The following EPB41L4A variants were observed in gnomAD, a reference collection of about 807,000 sequenced individuals.
EPB41L4A encodes erythrocyte membrane protein band 4.1 like 4A, also known as band 4.1-like protein 4A.
EPB41L4A carries 100 observed loss-of-function variants against 108.6 expected under a neutral mutation model. The ratio of observed to expected loss-of-function variants is 0.92; its 90% CI spans 0.78 to 1.09. The LOEUF is 1.09. Ranked by LOEUF, EPB41L4A falls within the 50% of genes least tolerant of loss-of-function variation. EPB41L4A has a pLI of 0.00. For synonymous variants in EPB41L4A, 319 were observed against 289.0 expected, an observed-to-expected ratio of 1.10 and a Z score of -1.05; for missense variants, 1,030 against 842.7, an observed-to-expected ratio of 1.22 and a Z score of -2.75.
intron 12 of EPB41L4A, among the ~76,000 whole-genome samples, chr5:112,155,135 C>T (rs1167356456): frequency 6.6e-6 from 1 of 152,004 alleles, no homozygotes; most frequent in African/African-American, 2.4e-5. Flanking sequence ...AGAATGCTGA[C>T]ATTACACAAA....
chr5:112,361,798 G>A (rs1001432091), intron 1 of EPB41L4A, among the ~76,000 whole-genome samples: 3 of 151,970 alleles, frequency 2.0e-5, no homozygotes, highest in African/African-American at 7.2e-5. Flanking sequence ...GAGGCAGGAG[G>A]ATCAACTGAG....
chr5:112,248,915 T>C (rs1165320676), intron 9 of EPB41L4A, among the ~76,000 whole-genome samples: 2 of 152,138 alleles, frequency 1.3e-5, no homozygotes, highest in Admixed American at 6.6e-5. Context: ...CTCCCTGTTT[T>C]TGTTTTGGGA....
intron 12 of EPB41L4A, chr5:112,228,410 A>ACAAC (rs1449589607): frequency 5.3e-5 from 8 of 152,256 alleles, no homozygotes; most frequent in Admixed American, 5.2e-4. Context: ...AATCATTTTC[A>ACAAC]CAACCCCTTA....
intron 12 of EPB41L4A, among the ~76,000 whole-genome samples, chr5:112,223,980 C>T (rs1748266979): frequency 6.6e-6 from 1 of 152,184 alleles, no homozygotes; most frequent in Non-Finnish European, 1.5e-5. Context: ...GAGACGGAGT[C>T]TTACTCTGTC....
intron 15 of EPB41L4A, among the ~76,000 whole-genome samples, chr5:112,202,433 T>G (rs1198338764): frequency 6.6e-6 from 1 of 152,182 alleles, no homozygotes; most frequent in African/African-American, 2.4e-5. Flanking sequence ...CTTATACCTT[T>G]GCACCAATTC....
chr5:112,158,898 C>G (rs1348672285), downstream of EPB41L4A, among the ~76,000 whole-genome samples: 4 of 152,210 alleles, frequency 2.6e-5, no homozygotes, highest in Admixed American at 2.0e-4. Context: ...CTGACTTTCC[C>G]TAGCAAGAAG....
At chr5:112,292,395 C>T (rs571490519) in intron 2 of EPB41L4A, among the ~76,000 whole-genome samples, 11 of 152,264 alleles carry the variant, frequency 7.2e-5, no homozygotes, top group African/African-American at 1.2e-4. Flanking sequence ...AAAGAATAAA[C>T]TAAGCTCCTA....
chr5:112,147,304 T>C (rs1466070261), intron 12 of EPB41L4A, among the ~76,000 whole-genome samples: 2 of 152,220 alleles, frequency 1.3e-5, no homozygotes, highest in African/African-American at 2.4e-5. Context: ...CCACACCTTA[T>C]TTAATCACAT....
chr5:112,299,338 T>C (rs191524001), intron 2 of EPB41L4A, among the ~76,000 whole-genome samples: 1 of 152,328 alleles, frequency 6.6e-6, no homozygotes, highest in East Asian at 1.9e-4. Context: ...GTTTTGATAG[T>C]TGTGTCACTA....
At position 112,354,508 on chromosome 5, in the gene EPB41L4A, A is replaced by C. The variant is rs543082720; in HGVS notation, c.100-47018T>G. On this transcript the variant is annotated intron_variant, in intron 1 of 22. Transcript: ENST00000261486. ...GAGGGAAGCTCTGTGGTAAGGAGAA[A>C]GTCAAAATTTAGTTAGATAAGGAAG... Among the ~76,000 whole-genome samples, 23 of 152,322 alleles carry C rather than the reference A, an allele frequency of 1.5e-4. 1 individual carries two copies. In the South Asian group the frequency reaches 4.8e-3, roughly 32 times the overall value.
At chr5:112,208,446 G>A (rs1762575648) in intron 13 of EPB41L4A, among the ~76,000 whole-genome samples, 1 of 151,996 alleles carries the variant, frequency 6.6e-6, no homozygotes, top group Admixed American at 6.6e-5. Flanking sequence ...CGCAACTGGA[G>A]GCTATTATCC....
intron 18 of EPB41L4A, among the ~76,000 whole-genome samples, chr5:112,176,743 CTTTTTTTTTTTTTTTT>C (rs59150913): frequency 4.6e-5 from 3 of 65,848 alleles, no homozygotes; most frequent in African/African-American, 1.9e-4. Context: ...ACCAGAGCAA[CTTTTTTTTTTTTTTTT>C]TTTTTTTTTT....
At chr5:112,324,831 T>C (rs760634005) in intron 1 of EPB41L4A, among the ~76,000 whole-genome samples, 1 of 149,054 alleles carries the variant, frequency 6.7e-6, no homozygotes, top group Non-Finnish European at 1.5e-5. Flanking sequence ...AAAGAGTAAA[T>C]AATAATAAAG....
Position 112,360,588 on chromosome 5 carries a change from A to G in EPB41L4A, c.100-53098T>C, listed in dbSNP as rs919031714. ...GCTCACTCAGTGCTCAATGTTGCCC[A>G]GGCTGGAGTGCAGTGGCGTGATCTC... On this transcript the variant is annotated intron_variant, in intron 1 of 22. Coordinates refer to ENST00000261486, the MANE Select transcript of EPB41L4A (RefSeq NM_022140.5). 1.6e-4 allele frequency among the ~76,000 whole-genome samples: 24 copies of G among 152,308 alleles called. No individual in the cohort carries two copies. In the East Asian group the frequency reaches 4.6e-3, roughly 29 times the overall value.
chr5:112,340,496 C>G (rs1757242811), intron 1 of EPB41L4A, among the ~76,000 whole-genome samples: 1 of 152,166 alleles, frequency 6.6e-6, no homozygotes, highest in African/African-American at 2.4e-5. Flanking sequence ...ATCTGCCTCT[C>G]TGGCCAACAG....
intron 1 of EPB41L4A, among the ~76,000 whole-genome samples, chr5:112,383,468 T>C (rs992417352): frequency 4.6e-5 from 7 of 152,186 alleles, no homozygotes; most frequent in African/African-American, 1.4e-4. Flanking sequence ...AGGCAGAGCA[T>C]GTTGTTGGAT....
chr5:112,168,091 T>G (rs894864736), intron 22 of EPB41L4A, among the ~76,000 whole-genome samples: 1 of 152,196 alleles, frequency 6.6e-6, no homozygotes, highest in Non-Finnish European at 1.5e-5. Context: ...CAGATATAAA[T>G]CCATCTAACT....
At position 112,265,025 on chromosome 5, in the gene EPB41L4A, G is replaced by T; in HGVS notation, c.434-9C>A. ...ATAATCTCCAAGCTCCGCTAAAAAA[G>T]AAAGATAACATAGTTTTTTCCATTT... On this transcript the variant is annotated splice_polypyrimidine_tract_variant and intron_variant, in intron 5 of 22. Transcript: ENST00000261486. The T allele has an allele frequency of 6.5e-7, 1 of 1,548,162 alleles. No individual in the cohort carries two copies. The highest frequency in any genetic ancestry group is 1.3e-5 in the South Asian group (1 of 77,864).
At chr5:112,159,139 G>A (rs1194960974), downstream of EPB41L4A, among the ~76,000 whole-genome samples, 1 of 151,770 alleles carries the variant, frequency 6.6e-6, no homozygotes, top group Non-Finnish European at 1.5e-5. Context: ...GTCCTTGTGT[G>A]ATGACCACTG....
Sources: allele counts gnomAD v4.1 joint callset (sites outside exome capture counted in the v4.1 genomes callset), GRCh38; gene constraint gnomAD v4.1.1; transcripts MANE v1.5; gene names NCBI Gene and HGNC (gene_info 2026-07-23, HGNC 2026-07-21).